GREM2: variants seen among roughly 807,000 people sequenced by gnomAD.
GREM2 encodes gremlin 2, DAN family BMP antagonist, also known as gremlin-2.
A neutral mutation model predicts 14.2 loss-of-function variants in GREM2; 11 were observed. That is an observed-to-expected ratio of 0.78 (90% CI 0.49 to 1.28). The LOEUF is 1.28. GREM2 is among the 50% of genes most tolerant of loss of function. The probability of loss-of-function intolerance (pLI) is 0.00; values close to 1 mark genes in which losing one functional copy is unlikely to be tolerated. For missense variants in GREM2, 210 were observed against 218.5 expected, an observed-to-expected ratio of 0.96 and a Z score of 0.24; for synonymous variants, 98 against 97.6, an observed-to-expected ratio of 1.00 and a Z score of -0.02.
rs575120067 is a variant in GREM2 at position 240,569,653 on chromosome 1, A to G, written c.-2+42231T>C. 2.0e-5 allele frequency among the ~76,000 whole-genome samples: 3 copies of G among 152,336 alleles called. No homozygotes were observed. In the East Asian group the frequency reaches 5.8e-4, roughly 29 times the overall value. ...CAGCTGGCTATCCATAGATGGGGAA[A>G]AAAATATGAACTTTGATCCATACCT... On this transcript the variant is annotated intron_variant, in intron 1 of 1. Coordinates refer to ENST00000318160, the MANE Select transcript of GREM2 (RefSeq NM_022469.4).
At chr1:240,552,516 G>A (rs143690693) in intron 1 of GREM2, among the ~76,000 whole-genome samples, 25 of 152,284 alleles carry the variant, frequency 1.6e-4, no homozygotes, top group African/African-American at 6.0e-4. Flanking sequence ...GACCGCCTGA[G>A]CCCAAGAGTT....
intron 1 of GREM2, among the ~76,000 whole-genome samples, chr1:240,562,232 G>A (rs1427760845): frequency 1.3e-5 from 2 of 152,128 alleles, no homozygotes; most frequent in Non-Finnish European, 2.9e-5. Flanking sequence ...CAGAAATGTA[G>A]AGAAATGGTC....
intron 1 of GREM2, among the ~76,000 whole-genome samples, chr1:240,495,645 A>C (rs2103270404): frequency 6.6e-6 from 1 of 152,330 alleles, no homozygotes; most frequent in Non-Finnish European, 1.5e-5. Context: ...GGCTGCCAAG[A>C]TTCTATAGCC....
intron 1 of GREM2, among the ~76,000 whole-genome samples, chr1:240,604,307 G>GTA (rs1282987762): frequency 1.4e-5 from 1 of 72,654 alleles, no homozygotes; most frequent in African/African-American, 4.1e-5. Context: ...ATAACTATAC[G>GTA]TATGTGTGTG....
intron 1 of GREM2, among the ~76,000 whole-genome samples, chr1:240,567,656 T>G (rs13376056): frequency 0.12 from 18,449 of 152,204 alleles, 1,345 homozygotes; most frequent in African/African-American, 0.19. Flanking sequence ...TAAGAAATGT[T>G]AAAGGAAATC....
At chr1:240,600,882 G>A (rs1263123556) in intron 1 of GREM2, among the ~76,000 whole-genome samples, 2 of 152,092 alleles carry the variant, frequency 1.3e-5, no homozygotes, top group Admixed American at 6.5e-5. Context: ...TTCTAGCTCT[G>A]GTTCCATAAA....
At chr1:240,506,394 A>T (rs1415208067) in intron 1 of GREM2, among the ~76,000 whole-genome samples, 2 of 152,220 alleles carry the variant, frequency 1.3e-5, no homozygotes, top group African/African-American at 4.8e-5. Context: ...AATTGAAACA[A>T]GAAGTCTGGT....
intron 1 of GREM2, among the ~76,000 whole-genome samples, chr1:240,590,948 A>AT (rs764683468): frequency 2.0e-5 from 3 of 151,436 alleles, no homozygotes; most frequent in Non-Finnish European, 4.4e-5. Flanking sequence ...TGCCCGGCTA[A>AT]TTTTTGTATT....
chr1:240,569,136 A>C (rs576098416), intron 1 of GREM2, among the ~76,000 whole-genome samples: 8 of 152,294 alleles, frequency 5.3e-5, no homozygotes, highest in African/African-American at 1.7e-4. Flanking sequence ...AAACTAGAAA[A>C]CTGACAAAAG....
intron 1 of GREM2, among the ~76,000 whole-genome samples, chr1:240,586,815 G>T (rs1251584152): frequency 6.6e-6 from 1 of 152,190 alleles, no homozygotes; most frequent in Non-Finnish European, 1.5e-5. Flanking sequence ...TACTTAAGGT[G>T]ACTTTGGCAA....
chr1:240,584,050 A>G (rs966210861), intron 1 of GREM2, among the ~76,000 whole-genome samples: 1 of 152,194 alleles, frequency 6.6e-6, no homozygotes, highest in East Asian at 1.9e-4. Flanking sequence ...TTGGGCCTCC[A>G]TATCCTAGAT....
chr1:240,525,488 C>G (rs1324380904), intron 1 of GREM2, among the ~76,000 whole-genome samples: 1 of 152,014 alleles, frequency 6.6e-6, no homozygotes, highest in African/African-American at 2.4e-5. Flanking sequence ...TAAGACTCCA[C>G]AAATGTTAAT....
chr1:240,498,234 G>A (rs772487023), intron 1 of GREM2, among the ~76,000 whole-genome samples: 1 of 152,174 alleles, frequency 6.6e-6, no homozygotes, highest in Non-Finnish European at 1.5e-5. Flanking sequence ...TAGAAGTTAG[G>A]TCTCACGGGA....
At chr1:240,531,718 T>C (rs1376940369) in intron 1 of GREM2, 2 of 505,254 alleles carry the variant, frequency 4.0e-6, no homozygotes, top group Non-Finnish European at 4.5e-6. Flanking sequence ...CTTCTTCTTT[T>C]TTTTTTTTTG....
chr1:240,509,020 A>G (rs1304593477), intron 1 of GREM2, among the ~76,000 whole-genome samples: 2 of 152,260 alleles, frequency 1.3e-5, no homozygotes, highest in Non-Finnish European at 2.9e-5. Context: ...CGTAGCAATC[A>G]GTGTTAGAGT....
At chr1:240,511,508 T>C (rs895189186) in intron 1 of GREM2, among the ~76,000 whole-genome samples, 2 of 152,172 alleles carry the variant, frequency 1.3e-5, no homozygotes, top group Admixed American at 6.5e-5. Flanking sequence ...CCCAGCACTT[T>C]GGGAAGCCGA....
intron 1 of GREM2, among the ~76,000 whole-genome samples, chr1:240,519,342 G>GTT (rs201469455): frequency 6.9e-6 from 1 of 145,826 alleles, no homozygotes. Flanking sequence ...AACTTCTCTA[G>GTT]TTTTTTTTTT....
intron 1 of GREM2, among the ~76,000 whole-genome samples, chr1:240,593,000 C>T (rs1216940278): frequency 1.3e-5 from 2 of 151,084 alleles, no homozygotes; most frequent in Admixed American, 1.3e-4. Context: ...AAAAAATTAG[C>T]CGGCATGGTA....
At chr1:240,574,987 C>T (rs996529587) in intron 1 of GREM2, among the ~76,000 whole-genome samples, 1 of 151,824 alleles carries the variant, frequency 6.6e-6, no homozygotes, top group African/African-American at 2.4e-5. Flanking sequence ...TGCGCCTGTA[C>T]TCCCAGGTAC....
Sources: gnomAD v4.1 joint callset for allele counts (sites outside exome capture counted in the v4.1 genomes callset) on GRCh38, gnomAD v4.1.1 for gene constraint, MANE v1.5 for transcripts, NCBI Gene and HGNC (gene_info 2026-07-23, HGNC 2026-07-21) for gene names.